STK39: variants seen among roughly 807,000 people sequenced by gnomAD.
The protein encoded by STK39 is STE20/SPS1-related proline-alanine-rich protein kinase.
In STK39, 20 loss-of-function variants were observed where a neutral mutation model predicts 77.8. The ratio of observed to expected loss-of-function variants is 0.26; its 90% CI spans 0.18 to 0.37. STK39 has a LOEUF of 0.37. STK39 is among the 10% of genes least tolerant of loss of function. The pLI, the probability that STK39 is intolerant of heterozygous loss-of-function variation, is 1.00. For synonymous variants in STK39, 246 were observed against 234.1 expected, an observed-to-expected ratio of 1.05 and a Z score of -0.47; for missense variants, 479 against 656.5, an observed-to-expected ratio of 0.73 and a Z score of 2.95.
intron 1 of STK39, among the ~76,000 whole-genome samples, chr2:168,187,725 G>A (rs1689242952): frequency 6.6e-6 from 1 of 152,102 alleles, no homozygotes; most frequent in Admixed American, 6.6e-5. Context: ...TCCTTCTGTT[G>A]ATGAGTATCC....
rs942071674 is a variant in STK39 at position 168,018,503 on chromosome 2, A to C, written c.1377-1408T>G. Among the ~76,000 whole-genome samples, 3 of 117,804 alleles carry C rather than the reference A, an allele frequency of 2.5e-5. 1 individual carries two copies. The highest frequency in any genetic ancestry group is 5.0e-5 in the Non-Finnish European group (3 of 60,570). 77.3% of individuals were successfully genotyped at this position (117,804 alleles called of 152,430 possible). A position where few individuals can be genotyped will look rare whatever the true frequency, so the allele number is the denominator to read the frequency against. ...GCAAGAGTTCATCTCATTTTTAAGA[A>C]AAGAAAGAAAAGAAAGAAAAGAAAG... On this transcript the variant is annotated intron_variant, in intron 14 of 17. Coordinates refer to ENST00000355999, the MANE Select transcript of STK39 (RefSeq NM_013233.3).
chr2:168,137,966 A>G, intron 8 of STK39, 122 bp downstream of exon 8: 1 of 1,365,828 alleles, frequency 7.3e-7, no homozygotes, highest in East Asian at 2.4e-5. Context: ...TGGGGACCAC[A>G]GCAGGGTTTC....
intron 10 of STK39, among the ~76,000 whole-genome samples, chr2:168,127,190 C>T (rs190165650): frequency 4.6e-5 from 7 of 152,160 alleles, no homozygotes; most frequent in Non-Finnish European, 8.8e-5. Context: ...CTTGCTCTGC[C>T]GCTAGGCTGG....
At chr2:168,245,933 C>A (rs1690886981) in intron 1 of STK39, among the ~76,000 whole-genome samples, 1 of 151,942 alleles carries the variant, frequency 6.6e-6, no homozygotes, top group African/African-American at 2.4e-5. Flanking sequence ...CGGACCTGCC[C>A]AACATTTTCT....
At chr2:168,109,933 G>A (rs570477642) in intron 10 of STK39, among the ~76,000 whole-genome samples, 1 of 152,232 alleles carries the variant, frequency 6.6e-6, no homozygotes, top group African/African-American at 2.4e-5. Flanking sequence ...TATTTCAGAT[G>A]CCAATCATTT....
At chr2:168,126,492 C>A (rs753184799) in intron 10 of STK39, among the ~76,000 whole-genome samples, 4 of 152,166 alleles carry the variant, frequency 2.6e-5, no homozygotes, top group Non-Finnish European at 5.9e-5. Context: ...CCAGCAGCCA[C>A]GTCTACACGA....
At chr2:168,054,834 A>AGC (rs1490159018) in intron 14 of STK39, among the ~76,000 whole-genome samples, 1 of 152,146 alleles carries the variant, frequency 6.6e-6, no homozygotes, top group Non-Finnish European at 1.5e-5. Flanking sequence ...TATGGGAACA[A>AGC]GCACACCAAA....
intron 5 of STK39, among the ~76,000 whole-genome samples, chr2:168,143,983 C>G (rs1225921722): frequency 2.0e-5 from 3 of 152,208 alleles, no homozygotes; most frequent in African/African-American, 7.2e-5. Context: ...TTGTTAATGA[C>G]ACAGCATCTC....
intron 2 of STK39, among the ~76,000 whole-genome samples, chr2:168,176,882 G>A (rs1420160284): frequency 1.3e-5 from 2 of 152,150 alleles, no homozygotes; most frequent in African/African-American, 4.8e-5. Context: ...TGATTTGCTA[G>A]TAATTAGTAT....
At chr2:168,062,333 G>A (rs562207127) in intron 14 of STK39, among the ~76,000 whole-genome samples, 2 of 152,254 alleles carry the variant, frequency 1.3e-5, no homozygotes, top group African/African-American at 2.4e-5. Context: ...GAAGTACCTC[G>A]TTCGAAAGTC....
chr2:168,247,442 G>C lies in STK39; in HGVS notation c.-7C>G, dbSNP rs984159068. 1 of 1,294,730 alleles carries C rather than the reference G, an allele frequency of 7.7e-7. No individual in the cohort carries two copies. The highest frequency in any genetic ancestry group is 1.8e-5 in the South Asian group (1 of 55,826). The allele number at this position is 1,294,730 out of a possible 1,614,324, so 80.2% of individuals were successfully genotyped here. A position where few individuals can be genotyped will look rare whatever the true frequency, so the allele number is the denominator to read the frequency against. On this transcript the variant is annotated 5_prime_UTR_variant, in exon 1 of 18. Coordinates refer to ENST00000355999, the MANE Select transcript of STK39 (RefSeq NM_013233.3). ...AGCCGCTCGGCTCCGCCATGATGCT[G>C]CGGAGGAGAGCAGGAGGACGCGCCG...
chr2:168,197,014 A>G (rs764002218), intron 1 of STK39, among the ~76,000 whole-genome samples: 1 of 152,142 alleles, frequency 6.6e-6, no homozygotes, highest in Non-Finnish European at 1.5e-5. Context: ...TGAAAAAAAG[A>G]ATTACAGAAT....
At chr2:168,060,070 T>C (rs777640721) in intron 14 of STK39, among the ~76,000 whole-genome samples, 12 of 152,160 alleles carry the variant, frequency 7.9e-5, no homozygotes, top group Non-Finnish European at 1.6e-4. Context: ...AAAAAAGTAA[T>C]ACTGTTTAAC....
intron 3 of STK39, among the ~76,000 whole-genome samples, chr2:168,164,554 G>C (rs547538300): frequency 6.6e-6 from 1 of 152,050 alleles, no homozygotes; most frequent in South Asian, 2.1e-4. Context: ...CTACAAGTAC[G>C]TGCCACCACG....
At chr2:168,068,639 C>A (rs140821867) in intron 12 of STK39, among the ~76,000 whole-genome samples, 10 of 152,148 alleles carry the variant, frequency 6.6e-5, no homozygotes, top group Admixed American at 1.3e-4. Context: ...AAAATTATTC[C>A]AAAATCAAAA....
At chr2:168,100,136 C>G (rs1686782878) in intron 10 of STK39, among the ~76,000 whole-genome samples, 1 of 152,174 alleles carries the variant, frequency 6.6e-6, no homozygotes, top group Admixed American at 6.5e-5. Context: ...TGGCTAATTA[C>G]AAGTTTTGCA....
chr2:168,112,691 ATTTT>A (rs1233747791), intron 10 of STK39, among the ~76,000 whole-genome samples: 4 of 152,136 alleles, frequency 2.6e-5, no homozygotes, highest in African/African-American at 9.7e-5. Context: ...TTCCAGTAAG[ATTTT>A]TTTAATGGTT....
intron 16 of STK39, among the ~76,000 whole-genome samples, chr2:167,969,097 T>C (rs1231283208): frequency 1.3e-5 from 2 of 152,222 alleles, no homozygotes; most frequent in African/African-American, 4.8e-5. Context: ...ATTGGTGAAA[T>C]GAAGATATTA....
chr2:168,138,031 C>A, intron 8 of STK39, 57 bp downstream of exon 8: 2 of 1,568,242 alleles, frequency 1.3e-6, no homozygotes, highest in South Asian at 1.2e-5. Flanking sequence ...CATCTACAAA[C>A]AAAGCTTTGT....
Sources: gnomAD v4.1 joint callset for allele counts (sites outside exome capture counted in the v4.1 genomes callset) on GRCh38, gnomAD v4.1.1 for gene constraint, MANE v1.5 for transcripts, NCBI Gene and HGNC (gene_info 2026-07-23, HGNC 2026-07-21) for gene names.